AFF3: variants seen among roughly 807,000 people sequenced by gnomAD.
AFF3 encodes the protein ALF transcription elongation factor 3.
Under a neutral mutation model 129.7 loss-of-function variants are expected in AFF3, and 32 were observed. That is an observed-to-expected ratio of 0.25 (90% CI 0.19 to 0.33). AFF3 has a LOEUF of 0.33. AFF3 is among the 10% of genes least tolerant of loss of function. The probability of loss-of-function intolerance (pLI) is 1.00; values close to 1 mark genes in which losing one functional copy is unlikely to be tolerated. For synonymous variants in AFF3, 644 were observed against 635.4 expected, an observed-to-expected ratio of 1.01 and a Z score of -0.20; for missense variants, 1,373 against 1,592.0, an observed-to-expected ratio of 0.86 and a Z score of 2.34.
chr2:99,814,388 T>C (rs56817614), intron 8 of AFF3, among the ~76,000 whole-genome samples: 16,253 of 151,994 alleles, frequency 0.11, 1,019 homozygotes, highest in Admixed American at 0.2. Context: ...TGAACTGCAC[T>C]CCCACCTACA....
chr2:100,126,972 A>G (rs967011819), intron 2 of AFF3, among the ~76,000 whole-genome samples: 2 of 152,188 alleles, frequency 1.3e-5, no homozygotes, highest in Non-Finnish European at 1.5e-5. Context: ...ATGCATATAC[A>G]TTTGCTTCAA....
At chr2:99,899,795 TAGAA>T (rs1459711126) in intron 7 of AFF3, among the ~76,000 whole-genome samples, 1 of 152,174 alleles carries the variant, frequency 6.6e-6, no homozygotes, top group Non-Finnish European at 1.5e-5. Flanking sequence ...CCTAATGAAA[TAGAA>T]AGGCAAAGGA....
At chr2:99,801,079 C>T (rs1366719869) in intron 8 of AFF3, among the ~76,000 whole-genome samples, 1 of 152,152 alleles carries the variant, frequency 6.6e-6, no homozygotes, top group African/African-American at 2.4e-5. Flanking sequence ...GATATTTTCA[C>T]CGGTATATAC....
intron 7 of AFF3, among the ~76,000 whole-genome samples, chr2:99,994,915 G>A (rs1368260262): frequency 6.6e-6 from 1 of 152,178 alleles, no homozygotes; most frequent in East Asian, 1.9e-4. Flanking sequence ...ATTAGAGCTG[G>A]AGTACCAGCT....
At chr2:99,613,352 A>G (rs1240354627) in intron 13 of AFF3, among the ~76,000 whole-genome samples, 1 of 152,248 alleles carries the variant, frequency 6.6e-6, no homozygotes, top group East Asian at 1.9e-4. Context: ...TTTGTCACCA[A>G]TAAAACCATC....
chr2:99,569,625 C>T (rs967363405), intron 18 of AFF3, among the ~76,000 whole-genome samples: 1 of 152,100 alleles, frequency 6.6e-6, no homozygotes, highest in African/African-American at 2.4e-5. Flanking sequence ...ATGAAGGTAA[C>T]TCATCCAGAG....
chr2:100,011,478 C>T (rs761982294), intron 4 of AFF3: 17 of 780,776 alleles, frequency 2.2e-5, no homozygotes, highest in Middle Eastern at 2.2e-4. Flanking sequence ...TCAGAAGGCC[C>T]CCATGCCCAA....
chr2:100,047,440 C>T (rs1022486711), intron 4 of AFF3, among the ~76,000 whole-genome samples: 1 of 152,202 alleles, frequency 6.6e-6, no homozygotes, highest in Non-Finnish European at 1.5e-5. Context: ...TCGGTAAATG[C>T]TGAGTCTTAC....
chr2:100,053,235 G>A lies in AFF3; in HGVS notation c.54-44303C>T, dbSNP rs149948787. On this transcript the variant is annotated intron_variant, in intron 4 of 24. Transcript: ENST00000672756. ...ATTTATACAACACTTGAACTGTGTTGGGTGTCAGCGTGTTAGCCACTGTGG... is the reference window on the plus strand; with the variant it reads ...ATTTATACAACACTTGAACTGTGTTAGGTGTCAGCGTGTTAGCCACTGTGG... Among the ~76,000 whole-genome samples, 1,133 of 152,314 alleles carry A rather than the reference G, an allele frequency of 7.4e-3. 11 individuals are homozygous for A. Among genetic ancestry groups the A allele is most frequent in the Middle Eastern group, 0.014 (4 of 294 alleles).
intron 4 of AFF3, among the ~76,000 whole-genome samples, chr2:100,012,081 A>G (rs1177081259): frequency 6.6e-6 from 1 of 152,088 alleles, no homozygotes; most frequent in Non-Finnish European, 1.5e-5. Flanking sequence ...AGCTCCTACT[A>G]CCAAGAAGGA....
At chr2:99,811,908 C>A (rs1182288272) in intron 8 of AFF3, among the ~76,000 whole-genome samples, 1 of 152,250 alleles carries the variant, frequency 6.6e-6, no homozygotes, top group African/African-American at 2.4e-5. Flanking sequence ...TAGCTACGTA[C>A]CTGAACACAG....
chr2:99,635,149 CTAGGTA>C (rs1683522980), intron 13 of AFF3, among the ~76,000 whole-genome samples: 1 of 151,036 alleles, frequency 6.6e-6, no homozygotes, highest in Non-Finnish European at 1.5e-5. Context: ...ACACATATCT[CTAGGTA>C]TATGATATAT....
chr2:99,810,619 T>C (rs1240769781), intron 8 of AFF3, among the ~76,000 whole-genome samples: 1 of 151,712 alleles, frequency 6.6e-6, no homozygotes. Flanking sequence ...ATCTTGTCTA[T>C]CCACTTTAGT....
At chr2:99,850,229 T>C (rs1690046103) in intron 7 of AFF3, among the ~76,000 whole-genome samples, 1 of 152,194 alleles carries the variant, frequency 6.6e-6, no homozygotes, top group Admixed American at 6.5e-5. Flanking sequence ...TAGTATTTTT[T>C]CCTTCCACTA....
At chr2:99,581,786 G>A (rs991243878) in intron 17 of AFF3, among the ~76,000 whole-genome samples, 6 of 151,942 alleles carry the variant, frequency 3.9e-5, no homozygotes, top group African/African-American at 1.4e-4. Context: ...GGCTGTTAGA[G>A]GCTGGCATGG....
At position 100,032,813 on chromosome 2, in the gene AFF3, T is replaced by A. The variant is rs575787841; in HGVS notation, c.54-23881A>T. ...CCTATCCCTGCATCAACACTGTGTG[T>A]CTTAATTACTATAAATTTATAGCTT... On this transcript the variant is annotated intron_variant, in intron 4 of 24. Transcript: ENST00000672756. 5.8e-4 allele frequency among the ~76,000 whole-genome samples: 89 copies of A among 152,302 alleles called. 1 individual carries two copies. Among genetic ancestry groups the A allele is most frequent in the African/African-American group, 2.1e-3 (87 of 41,566 alleles).
At chr2:100,022,476 T>TCTCGGCTCACTGTGAC (rs1683671872) in intron 4 of AFF3, among the ~76,000 whole-genome samples, 1 of 151,862 alleles carries the variant, frequency 6.6e-6, no homozygotes, top group African/African-American at 2.4e-5. Flanking sequence ...AGTGGTGTGA[T>TCTCGGCTCACTGTGAC]CTCGGCTCAC....
chr2:100,122,758 A>G (rs951416962), intron 2 of AFF3, among the ~76,000 whole-genome samples: 2 of 152,194 alleles, frequency 1.3e-5, no homozygotes, highest in African/African-American at 2.4e-5. Flanking sequence ...CAAAATGTAC[A>G]TTTTTCAAAT....
At chr2:99,718,723 T>C (rs886544763) in intron 11 of AFF3, among the ~76,000 whole-genome samples, 24 of 152,104 alleles carry the variant, frequency 1.6e-4, no homozygotes, top group Admixed American at 8.5e-4. Context: ...AAATTCACTA[T>C]TGAATATGAA....
Sources: allele counts gnomAD v4.1 joint callset (sites outside exome capture counted in the v4.1 genomes callset), GRCh38; gene constraint gnomAD v4.1.1; transcripts MANE v1.5; gene names NCBI Gene and HGNC (gene_info 2026-07-23, HGNC 2026-07-21).